The following DENND1B variants were observed in gnomAD, a reference collection of about 807,000 sequenced individuals.
DENND1B encodes DENN domain containing 1B, also known as DENN domain-containing protein 1B.
DENND1B carries 59 observed loss-of-function variants against 90.1 expected under a neutral mutation model. The ratio of observed to expected loss-of-function variants is 0.65; its 90% CI spans 0.53 to 0.81. The LOEUF (loss-of-function observed/expected upper bound fraction) is 0.81. Among genes scored for constraint, DENND1B ranks in the 40% least tolerant of loss-of-function variants. The probability of loss-of-function intolerance (pLI) is 0.00; values close to 1 mark genes in which losing one functional copy is unlikely to be tolerated. For missense variants in DENND1B, 862 were observed against 912.6 expected (o/e 0.94, Z 0.71); for synonymous variants, 337 against 324.6 (o/e 1.04, Z -0.41).
intron 2 of DENND1B, among the ~76,000 whole-genome samples, chr1:197,733,101 G>A (rs1662301653): frequency 6.6e-6 from 1 of 152,138 alleles, no homozygotes; most frequent in African/African-American, 2.4e-5. Context: ...TCAAGATTTT[G>A]TACTCACACA....
At chr1:197,613,576 T>C (rs968642994) in intron 11 of DENND1B, among the ~76,000 whole-genome samples, 4 of 150,840 alleles carry the variant, frequency 2.7e-5, no homozygotes, top group African/African-American at 9.7e-5. Context: ...GAGGAACAAA[T>C]GTGTACTGTT....
At chr1:197,663,389 A>G (rs536433593) in intron 5 of DENND1B, among the ~76,000 whole-genome samples, 3 of 152,248 alleles carry the variant, frequency 2.0e-5, no homozygotes, top group African/African-American at 7.2e-5. Flanking sequence ...GAACTACTCT[A>G]TAACGTAGCC....
chr1:197,694,759 T>C (rs1004771856), intron 3 of DENND1B, among the ~76,000 whole-genome samples: 1 of 151,286 alleles, frequency 6.6e-6, no homozygotes, highest in African/African-American at 2.4e-5. Context: ...ACCTTCCAGG[T>C]CTGGCTTGAA....
chr1:197,685,680 C>T (rs1657160515), intron 3 of DENND1B: 1 of 151,860 alleles, frequency 6.6e-6, no homozygotes, highest in Non-Finnish European at 1.5e-5. Flanking sequence ...AGAGAAGGAA[C>T]AAAGAAATGT....
intron 3 of DENND1B, among the ~76,000 whole-genome samples, chr1:197,691,676 A>G (rs1462409204): frequency 6.6e-6 from 1 of 152,074 alleles, no homozygotes; most frequent in African/African-American, 2.4e-5. Flanking sequence ...CTGTAGCATT[A>G]CTCAGAATAG....
At chr1:197,528,373 A>G (rs182611101) in intron 20 of DENND1B, among the ~76,000 whole-genome samples, 173 of 152,312 alleles carry the variant, frequency 1.1e-3, no homozygotes, top group African/African-American at 3.8e-3. Flanking sequence ...ATATTTTAAA[A>G]TATAAAAGTA....
Position 197,697,419 on chromosome 1 carries a change from C to A in DENND1B, c.126+17612G>T, listed in dbSNP as rs192776871. The stretch of plus-strand genomic sequence containing the variant: ...TCATGAATTAATTTCATCATTCTGT[C>A]TTTCTGCTACAATAGGGTATCACAC... On this transcript the variant is annotated intron_variant, in intron 3 of 22. Transcript: ENST00000620048. 1.3e-4 allele frequency among the ~76,000 whole-genome samples: 19 copies of A among 151,872 alleles called. 1 individual carries two copies. Among genetic ancestry groups the A allele is most frequent in the African/African-American group, 4.6e-4 (19 of 41,526 alleles).
chr1:197,777,384 C>A (rs1657323092), upstream of DENND1B, among the ~76,000 whole-genome samples: 1 of 152,116 alleles, frequency 6.6e-6, no homozygotes, highest in Non-Finnish European at 1.5e-5. Context: ...ACATTCGCAT[C>A]CCAAAGCAAA....
At chr1:197,551,482 G>A (rs1007029150) in intron 16 of DENND1B, among the ~76,000 whole-genome samples, 1 of 151,958 alleles carries the variant, frequency 6.6e-6, no homozygotes, top group Admixed American at 6.6e-5. Context: ...GATACTTATC[G>A]GTAATCATAT....
intron 5 of DENND1B, among the ~76,000 whole-genome samples, chr1:197,662,380 T>C (rs1292560873): frequency 6.6e-6 from 1 of 152,034 alleles, no homozygotes; most frequent in Non-Finnish European, 1.5e-5. Flanking sequence ...TATTATCTCA[T>C]TTAATTCTTA....
intron 2 of DENND1B, among the ~76,000 whole-genome samples, chr1:197,718,554 C>CTA (rs533441930): frequency 2.2e-4 from 34 of 151,910 alleles, no homozygotes; most frequent in Non-Finnish European, 2.9e-4. Flanking sequence ...AGAGGAGCAT[C>CTA]TATATATATA....
At chr1:197,756,960 C>A (rs563596349) in intron 2 of DENND1B, among the ~76,000 whole-genome samples, 8 of 150,572 alleles carry the variant, frequency 5.3e-5, no homozygotes, top group African/African-American at 1.9e-4. Flanking sequence ...TATACTGTGA[C>A]ACTATGCCAT....
chr1:197,545,052 A>AAGGAGAAGGAGAATG (rs77114737), intron 18 of DENND1B, among the ~76,000 whole-genome samples: 1 of 124,846 alleles, frequency 8.0e-6, no homozygotes. Context: ...GGAGAAGGAG[A>AAGGAGAAGGAGAATG]AGAAGAAGAA....
intron 20 of DENND1B, among the ~76,000 whole-genome samples, chr1:197,520,679 C>G (rs1158385443): frequency 6.6e-6 from 1 of 151,804 alleles, no homozygotes; most frequent in Non-Finnish European, 1.5e-5. Context: ...CTGTGCAAAA[C>G]AAGGGTACAT....
chr1:197,682,602 C>T (rs528415024), intron 3 of DENND1B, among the ~76,000 whole-genome samples: 1 of 152,124 alleles, frequency 6.6e-6, no homozygotes, highest in East Asian at 1.9e-4. Flanking sequence ...AGAAGACAGA[C>T]ATATAAATCA....
intron 20 of DENND1B, among the ~76,000 whole-genome samples, chr1:197,526,386 G>T (rs530869592): frequency 2.0e-5 from 3 of 151,970 alleles, no homozygotes; most frequent in African/African-American, 7.2e-5. Flanking sequence ...TTTTGGAATA[G>T]AGAACTGTTG....
chr1:197,589,565 A>G (rs1175071091), intron 14 of DENND1B, among the ~76,000 whole-genome samples: 1 of 152,194 alleles, frequency 6.6e-6, no homozygotes, highest in Non-Finnish European at 1.5e-5. Flanking sequence ...AAGTTTCTTA[A>G]ATGTAAATGT....
intron 12 of DENND1B, among the ~76,000 whole-genome samples, chr1:197,611,577 T>C (rs778183477): frequency 1.3e-5 from 2 of 150,838 alleles, no homozygotes; most frequent in East Asian, 2.0e-4. Flanking sequence ...CATAAGTACA[T>C]AAATTGTGAC....
At chr1:197,573,037 T>C (rs966366288) in intron 15 of DENND1B, among the ~76,000 whole-genome samples, 2 of 152,178 alleles carry the variant, frequency 1.3e-5, no homozygotes, top group African/African-American at 4.8e-5. Context: ...TCTTTTTTTC[T>C]TTATTAGTCT....
Sources: allele counts gnomAD v4.1 joint callset (sites outside exome capture counted in the v4.1 genomes callset), GRCh38; gene constraint gnomAD v4.1.1; transcripts MANE v1.5; gene names NCBI Gene and HGNC (gene_info 2026-07-23, HGNC 2026-07-21).